MEIKIN: variants seen among roughly 807,000 people sequenced by gnomAD.
MEIKIN encodes the protein meiosis-specific kinetochore protein.
chr5:131,862,014 G>A (rs1421279801), intron 9 of MEIKIN, among the ~76,000 whole-genome samples: 1 of 152,142 alleles, frequency 6.6e-6, no homozygotes, highest in Non-Finnish European at 1.5e-5. Context: ...GAAATAGTAT[G>A]AGGAAGACTG....
intron 4 of MEIKIN, among the ~76,000 whole-genome samples, chr5:131,936,518 CTATT>C (rs1158352617): frequency 3.3e-5 from 5 of 152,150 alleles, no homozygotes; most frequent in African/African-American, 1.2e-4. Context: ...TTCCTTTGAG[CTATT>C]TATTACCTAA....
chr5:131,807,044 ATTT>A lies in MEIKIN; in HGVS notation c.*189_*191del, dbSNP rs892420977. Reference sequence around the variant, plus strand: ...ATATATTTAAGAAGCATATGGAATAATTTTTTTTCTTAACTGATTAAAAGTAAA... The same window carrying A: ...ATATATTTAAGAAGCATATGGAATAATTTTTCTTAACTGATTAAAAGTAAA... On this transcript the variant is annotated 3_prime_UTR_variant, in exon 13 of 13. Coordinates refer to ENST00000442687, the MANE Select transcript of MEIKIN (RefSeq NM_001303622.2). 2.9e-5 allele frequency: 11 copies of A among 379,404 alleles called. No individual in the cohort carries two copies. Among genetic ancestry groups the A allele is most frequent in the African/African-American group, 2.1e-4 (10 of 48,148 alleles). The allele number at this position is 379,404 out of a possible 1,614,324, so 23.5% of individuals were successfully genotyped here.
chr5:131,870,033 C>T (rs1750458749), intron 9 of MEIKIN, among the ~76,000 whole-genome samples: 1 of 152,176 alleles, frequency 6.6e-6, no homozygotes, highest in South Asian at 2.1e-4. Flanking sequence ...CACTGCTGCA[C>T]TGGAAACTGG....
Position 131,854,780 on chromosome 5 carries a change from G to C in MEIKIN, c.829C>G (p.Pro277Ala). 1 of 397,942 alleles carries C rather than the reference G, an allele frequency of 2.5e-6. No homozygotes were observed. The highest frequency in any genetic ancestry group is 4.4e-6 in the Non-Finnish European group (1 of 225,602). The allele number at this position is 397,942 out of a possible 1,614,324, so 24.7% of individuals were successfully genotyped here. A position where few individuals can be genotyped will look rare whatever the true frequency, so the allele number is the denominator to read the frequency against. The change falls in exon 10 of 13, where the codon CCA becomes GCA. Residue 277 changes from proline (P) to alanine (A), a missense_variant. Transcript: ENST00000442687. ...ACAAAACCAGCTGTCTCTGAAGATG[G>C]AGTACTTGTTAAAAGGCCTCTGTTT... ...KKNRGLLTSTPSSETAGFVID... is the reference protein window; with the variant it reads ...KKNRGLLTSTASSETAGFVID...
At chr5:131,906,454 T>C (rs906966972) in intron 8 of MEIKIN, among the ~76,000 whole-genome samples, 4 of 152,216 alleles carry the variant, frequency 2.6e-5, no homozygotes, top group African/African-American at 7.2e-5. Context: ...GAAAGCAGTG[T>C]GGTAATTCCT....
intron 12 of MEIKIN, among the ~76,000 whole-genome samples, chr5:131,817,771 T>C (rs1008435135): frequency 6.6e-6 from 1 of 152,174 alleles, no homozygotes; most frequent in Non-Finnish European, 1.5e-5. Flanking sequence ...ACTTAGAGAA[T>C]GCTCAGGGCA....
At chr5:131,904,040 C>T (rs1396679646) in intron 8 of MEIKIN, among the ~76,000 whole-genome samples, 1 of 151,686 alleles carries the variant, frequency 6.6e-6, no homozygotes, top group African/African-American at 2.4e-5. Context: ...CAGACTTTAA[C>T]CAAGATCAAA....
chr5:131,874,192 T>C (rs1310305277), intron 9 of MEIKIN, among the ~76,000 whole-genome samples: 1 of 151,918 alleles, frequency 6.6e-6, no homozygotes, highest in Non-Finnish European at 1.5e-5. Flanking sequence ...CTTCGAAAAA[T>C]TAATGAATCC....
At chr5:131,910,256 C>A (rs1346460650) in intron 8 of MEIKIN, among the ~76,000 whole-genome samples, 1 of 152,112 alleles carries the variant, frequency 6.6e-6, no homozygotes, top group Non-Finnish European at 1.5e-5. Context: ...GAATGAGATC[C>A]TGTCATTTAC....
chr5:131,836,739 TG>T (rs1241533129), intron 11 of MEIKIN, among the ~76,000 whole-genome samples: 5 of 151,548 alleles, frequency 3.3e-5, no homozygotes, highest in African/African-American at 7.3e-5. Context: ...CACTTTTTAA[TG>T]TTTTTTTTTT....
intron 11 of MEIKIN, among the ~76,000 whole-genome samples, chr5:131,825,609 G>C (rs912812126): frequency 6.6e-6 from 1 of 152,172 alleles, no homozygotes; most frequent in Non-Finnish European, 1.5e-5. Flanking sequence ...GCCCCCAGAG[G>C]TCAAACAGAC....
At chr5:131,875,550 G>T (rs538654311) in intron 9 of MEIKIN, among the ~76,000 whole-genome samples, 1 of 152,050 alleles carries the variant, frequency 6.6e-6, no homozygotes, top group East Asian at 1.9e-4. Flanking sequence ...AATCAATATC[G>T]TGAAAATGGC....
At chr5:131,917,034 T>C (rs1473381768) in intron 6 of MEIKIN, 109 bp from the exon 7 acceptor site, 64 of 380,526 alleles carry the variant, frequency 1.7e-4, no homozygotes. Flanking sequence ...ACTTTTTAAA[T>C]ATTGTTTTTA....
chr5:131,904,947 G>A (rs777758652), intron 8 of MEIKIN, among the ~76,000 whole-genome samples: 1 of 152,032 alleles, frequency 6.6e-6, no homozygotes, highest in African/African-American at 2.4e-5. Flanking sequence ...AGAACACATG[G>A]ACACAGGGAG....
At chr5:131,823,435 A>G (rs1412323096) in intron 11 of MEIKIN, among the ~76,000 whole-genome samples, 1 of 151,722 alleles carries the variant, frequency 6.6e-6, no homozygotes, top group African/African-American at 2.4e-5. Flanking sequence ...AAGCTCACTA[A>G]TTCTTTCTTC....
intron 8 of MEIKIN, among the ~76,000 whole-genome samples, chr5:131,881,974 A>G (rs1305365753): frequency 6.6e-6 from 1 of 152,148 alleles, no homozygotes; most frequent in African/African-American, 2.4e-5. Context: ...TATCTTAACC[A>G]TTCTCCCAAC....
At chr5:131,874,611 T>C (rs1325206685) in intron 9 of MEIKIN, among the ~76,000 whole-genome samples, 5 of 151,976 alleles carry the variant, frequency 3.3e-5, no homozygotes, top group African/African-American at 9.7e-5. Flanking sequence ...TTCCAATCAA[T>C]AGAAAAAGAG....
intron 9 of MEIKIN, among the ~76,000 whole-genome samples, chr5:131,869,948 A>G (rs1410245536): frequency 6.6e-6 from 1 of 152,210 alleles, no homozygotes; most frequent in Non-Finnish European, 1.5e-5. Flanking sequence ...TGAACTCAAG[A>G]AAAACTGGTG....
intron 12 of MEIKIN, among the ~76,000 whole-genome samples, chr5:131,816,788 C>T (rs1181125595): frequency 1.3e-5 from 2 of 152,156 alleles, no homozygotes. Flanking sequence ...TGTGCTTTCT[C>T]CTTGAAAACT....
Sources: allele counts gnomAD v4.1 joint callset (sites outside exome capture counted in the v4.1 genomes callset), GRCh38; gene constraint gnomAD v4.1.1; transcripts MANE v1.5; gene names NCBI Gene and HGNC (gene_info 2026-07-23, HGNC 2026-07-21).